Variants in DYM observed in about 807,000 individuals in gnomAD.
The protein encoded by DYM is dyggve-Melchior-Clausen syndrome protein.
A neutral mutation model predicts 93.1 loss-of-function variants in DYM; 78 were observed. The observed-to-expected ratio is 0.84, with a 90% CI of 0.70 to 1.01. The LOEUF (loss-of-function observed/expected upper bound fraction) is 1.01, where lower values mean the gene tolerates loss of function less well. Ranked by LOEUF, DYM falls within the 50% of genes least tolerant of loss-of-function variation. The pLI, the probability that DYM is intolerant of heterozygous loss-of-function variation, is 0.00. For missense variants in DYM, 789 were observed against 845.0 expected (o/e 0.93, Z 0.82); for synonymous variants, 321 against 319.7 (o/e 1.00, Z -0.04).
At chr18:49,249,904 G>A (rs556811862) in intron 13 of DYM, among the ~76,000 whole-genome samples, 3 of 152,258 alleles carry the variant, frequency 2.0e-5, no homozygotes, top group East Asian at 3.9e-4. Flanking sequence ...AGAAATAACT[G>A]TATTGCTCTC....
chr18:49,141,156 CA>C (rs2084442980), intron 15 of DYM, among the ~76,000 whole-genome samples: 1 of 152,168 alleles, frequency 6.6e-6, no homozygotes, highest in South Asian at 2.1e-4. Flanking sequence ...TGACTCCGAA[CA>C]TTTTATTTAT....
chr18:49,375,991 T>C (rs1217796052), intron 5 of DYM, among the ~76,000 whole-genome samples: 2 of 152,182 alleles, frequency 1.3e-5, no homozygotes, highest in African/African-American at 2.4e-5. Context: ...CCAGGGACTC[T>C]TGGGCCTTCA....
At chr18:49,116,809 T>C (rs1425709277) in intron 16 of DYM, among the ~76,000 whole-genome samples, 3 of 152,208 alleles carry the variant, frequency 2.0e-5, no homozygotes, top group Admixed American at 2.0e-4. Flanking sequence ...ATCTATCCCA[T>C]AAAAGAAGAC....
chr18:49,454,434 C>T (rs1157608623), intron 1 of DYM, among the ~76,000 whole-genome samples: 1 of 152,136 alleles, frequency 6.6e-6, no homozygotes, highest in African/African-American at 2.4e-5. Flanking sequence ...CCTTCTCTGC[C>T]AGCCACATGT....
intron 11 of DYM, among the ~76,000 whole-genome samples, chr18:49,267,817 G>C (rs1264872510): frequency 6.6e-6 from 1 of 152,292 alleles, no homozygotes; most frequent in East Asian, 1.9e-4. Flanking sequence ...AGAATCACTT[G>C]AACCCACGAG....
At chr18:49,109,504 T>C (rs1380194658) in intron 16 of DYM, among the ~76,000 whole-genome samples, 2 of 152,236 alleles carry the variant, frequency 1.3e-5, no homozygotes, top group Non-Finnish European at 2.9e-5. Flanking sequence ...AAAAGTGATA[T>C]GGTACCCTAC....
chr18:49,169,244 C>T (rs1454099759), intron 14 of DYM, among the ~76,000 whole-genome samples: 2 of 152,216 alleles, frequency 1.3e-5, no homozygotes, highest in Non-Finnish European at 2.9e-5. Context: ...GTGAGGACTG[C>T]TCAACTGCAC....
intron 2 of DYM, among the ~76,000 whole-genome samples, chr18:49,421,903 C>T (rs2073758010): frequency 6.6e-6 from 1 of 152,090 alleles, no homozygotes; most frequent in Non-Finnish European, 1.5e-5. Context: ...GAAAGGGTAT[C>T]AGTGATTGAA....
intron 13 of DYM, among the ~76,000 whole-genome samples, chr18:49,255,157 G>C (rs143271560): frequency 8.5e-5 from 13 of 152,300 alleles, no homozygotes; most frequent in Non-Finnish European, 1.9e-4. Context: ...AATGAGCCCA[G>C]GTCAATCAAT....
chr18:49,381,041 G>A (rs557280100), intron 3 of DYM, among the ~76,000 whole-genome samples: 1 of 151,948 alleles, frequency 6.6e-6, no homozygotes, highest in Non-Finnish European at 1.5e-5. Flanking sequence ...CTACCACCCA[G>A]GCTGGACAGC....
intron 13 of DYM, among the ~76,000 whole-genome samples, chr18:49,215,705 A>G (rs2093000595): frequency 6.6e-6 from 1 of 152,242 alleles, no homozygotes; most frequent in Non-Finnish European, 1.5e-5. Context: ...ATTCCCTCAA[A>G]CTGAAAACTA....
chr18:49,149,833 A>C (rs1359375304), intron 15 of DYM, among the ~76,000 whole-genome samples: 2 of 148,392 alleles, frequency 1.3e-5, no homozygotes, highest in Non-Finnish European at 3.0e-5. Context: ...CAGCCTCCCG[A>C]GTAGCTGGGA....
intron 6 of DYM, among the ~76,000 whole-genome samples, chr18:49,335,500 C>A (rs1252279252): frequency 6.6e-6 from 1 of 152,128 alleles, no homozygotes; most frequent in Non-Finnish European, 1.5e-5. Context: ...TAAAGCAATT[C>A]TTGTATTTGT....
chr18:49,175,412 A>G (rs992283478), intron 14 of DYM, among the ~76,000 whole-genome samples: 1 of 152,212 alleles, frequency 6.6e-6, no homozygotes, highest in Non-Finnish European at 1.5e-5. Context: ...AAGACTAATT[A>G]CGTAACAATC....
At chr18:49,193,891 T>C (rs1356267398) in intron 14 of DYM, among the ~76,000 whole-genome samples, 1 of 152,240 alleles carries the variant, frequency 6.6e-6, no homozygotes, top group African/African-American at 2.4e-5. Flanking sequence ...TTATTTCCAT[T>C]CTGTAGCCAA....
intron 13 of DYM, among the ~76,000 whole-genome samples, chr18:49,237,261 G>A (rs1278462560): frequency 6.6e-6 from 1 of 152,048 alleles, no homozygotes; most frequent in Admixed American, 6.5e-5. Context: ...TTCCAGAGCT[G>A]TTTGTATGTG....
chr18:49,079,667 T>A (rs1433912882), intron 17 of DYM, among the ~76,000 whole-genome samples: 13 of 151,412 alleles, frequency 8.6e-5, no homozygotes, highest in Admixed American at 5.3e-4. Flanking sequence ...CCGCCCTTAA[T>A]CCATTTAACC....
chr18:49,249,253 G>C (rs2094234634), intron 13 of DYM, among the ~76,000 whole-genome samples: 1 of 152,158 alleles, frequency 6.6e-6, no homozygotes, highest in African/African-American at 2.4e-5. Context: ...TAACACAAGA[G>C]AGATAAGTGG....
chr18:49,356,889 A>T (rs1163963092), intron 6 of DYM, among the ~76,000 whole-genome samples: 1 of 152,218 alleles, frequency 6.6e-6, no homozygotes, highest in Admixed American at 6.5e-5. Context: ...TTCACACTCA[A>T]ATATTTCCAA....
Sources: gnomAD v4.1 joint callset for allele counts (sites outside exome capture counted in the v4.1 genomes callset) on GRCh38, gnomAD v4.1.1 for gene constraint, MANE v1.5 for transcripts, NCBI Gene and HGNC (gene_info 2026-07-23, HGNC 2026-07-21) for gene names.